Variants in STK39 observed in about 807,000 individuals in gnomAD.
The protein encoded by STK39 is serine/threonine kinase 39.
A neutral mutation model predicts 77.8 loss-of-function variants in STK39; 20 were observed. The observed-to-expected ratio is 0.26, with a 90% CI of 0.18 to 0.37. The LOEUF is 0.37. Ranked by LOEUF, STK39 falls within the 10% of genes least tolerant of loss-of-function variation. The pLI, the probability that STK39 is intolerant of heterozygous loss-of-function variation, is 1.00. For synonymous variants in STK39, 246 were observed against 234.1 expected, an observed-to-expected ratio of 1.05 and a Z score of -0.47; for missense variants, 479 against 656.5, an observed-to-expected ratio of 0.73 and a Z score of 2.95.
chr2:168,048,764 C>T (rs1574420468), intron 14 of STK39, among the ~76,000 whole-genome samples: 1 of 152,246 alleles, frequency 6.6e-6, no homozygotes, highest in South Asian at 2.1e-4. Flanking sequence ...AATTAGCAAC[C>T]CCGCCACCTG....
chr2:168,184,186 C>G (rs1689150153), intron 1 of STK39, among the ~76,000 whole-genome samples: 1 of 152,192 alleles, frequency 6.6e-6, no homozygotes. Flanking sequence ...ATAGTTAAGT[C>G]CTTGACAGTA....
At chr2:168,230,471 C>A (rs2105259350) in intron 1 of STK39, among the ~76,000 whole-genome samples, 1 of 152,314 alleles carries the variant, frequency 6.6e-6, no homozygotes, top group African/African-American at 2.4e-5. Context: ...GCGAGCGAGA[C>A]CATCTTAAAA....
intron 10 of STK39, among the ~76,000 whole-genome samples, chr2:168,115,837 C>T (rs935635): frequency 0.23 from 34,480 of 151,976 alleles, 4,052 homozygotes; most frequent in East Asian, 0.28. Flanking sequence ...GGCAAGTGGA[C>T]AATAGAGAAC....
chr2:168,005,455 T>G (rs962253075), intron 16 of STK39, among the ~76,000 whole-genome samples: 1 of 152,226 alleles, frequency 6.6e-6, no homozygotes. Flanking sequence ...TACTATTTCT[T>G]TTTTGGAAGA....
At chr2:168,227,572 C>T (rs1205442208) in intron 1 of STK39, among the ~76,000 whole-genome samples, 1 of 152,182 alleles carries the variant, frequency 6.6e-6, no homozygotes, top group Non-Finnish European at 1.5e-5. Context: ...CTATGAAATC[C>T]AAAAGTCACT....
intron 10 of STK39, among the ~76,000 whole-genome samples, chr2:168,115,242 T>C (rs1377022062): frequency 6.6e-6 from 1 of 152,066 alleles, no homozygotes; most frequent in Non-Finnish European, 1.5e-5. Flanking sequence ...CAAAAATAAA[T>C]AATATTAAAT....
At chr2:168,030,231 C>A (rs1684802077) in intron 14 of STK39, among the ~76,000 whole-genome samples, 1 of 152,102 alleles carries the variant, frequency 6.6e-6, no homozygotes, top group Non-Finnish European at 1.5e-5. Context: ...CAGAGCGAGA[C>A]TCTGTCTCAA....
intron 14 of STK39, among the ~76,000 whole-genome samples, chr2:168,046,914 G>C (rs1336046315): frequency 6.6e-6 from 1 of 152,068 alleles, no homozygotes; most frequent in Non-Finnish European, 1.5e-5. Flanking sequence ...GGGAAGATCT[G>C]ACAACTCTTT....
chr2:167,970,051 T>A lies in STK39; in HGVS notation c.1499-5325A>T, dbSNP rs536233175. Among the ~76,000 whole-genome samples, 17 of 152,176 alleles carry A rather than the reference T, an allele frequency of 1.1e-4. No homozygotes were observed. The East Asian group carries it at 3.3e-3, about 29-fold the overall frequency. On this transcript the variant is annotated intron_variant, in intron 16 of 17. Coordinates refer to ENST00000355999, the MANE Select transcript of STK39 (RefSeq NM_013233.3). ...TGCCCAGAACCTCTGTACCTGCCAT[T>A]CCCTCTCCCGGAAATGTTCTTCCTC...
chr2:168,167,221 A>G (rs947474422), intron 3 of STK39, 78 bp downstream of exon 3: 24 of 1,216,004 alleles, frequency 2.0e-5, no homozygotes, highest in Middle Eastern at 3.8e-4. Context: ...GATTCAATCT[A>G]AAGTCTTCTC....
At chr2:168,197,158 C>T (rs1207188439) in intron 1 of STK39, among the ~76,000 whole-genome samples, 4 of 152,008 alleles carry the variant, frequency 2.6e-5, no homozygotes, top group Admixed American at 6.6e-5. Flanking sequence ...ATGGCAAGTG[C>T]TAGGGTAGAC....
At chr2:167,970,305 TG>T (rs1158197363) in intron 16 of STK39, among the ~76,000 whole-genome samples, 1 of 152,204 alleles carries the variant, frequency 6.6e-6, no homozygotes, top group Non-Finnish European at 1.5e-5. Flanking sequence ...ATACAGGAAC[TG>T]TTTTGTTCAC....
At chr2:168,124,361 G>A (rs1461619064) in intron 10 of STK39, among the ~76,000 whole-genome samples, 2 of 151,860 alleles carry the variant, frequency 1.3e-5, no homozygotes, top group Non-Finnish European at 2.9e-5. Flanking sequence ...GCATAGCTAC[G>A]AGCCCCTTGC....
At chr2:168,049,881 C>T (rs1685349195) in intron 14 of STK39, among the ~76,000 whole-genome samples, 1 of 152,214 alleles carries the variant, frequency 6.6e-6, no homozygotes, top group South Asian at 2.1e-4. Context: ...AAACACACTA[C>T]TCATGTACAT....
At chr2:168,125,725 A>T (rs1207163120) in intron 10 of STK39, among the ~76,000 whole-genome samples, 1 of 152,170 alleles carries the variant, frequency 6.6e-6, no homozygotes, top group Non-Finnish European at 1.5e-5. Context: ...ACCCAAAAAA[A>T]ATGTTTTGCA....
chr2:168,094,004 C>T lies in STK39; in HGVS notation c.1090-18773G>A, dbSNP rs188395888. Among the ~76,000 whole-genome samples the T allele has an allele frequency of 7.9e-3, 1,197 of 152,302 alleles. 4 individuals carry two copies. Among genetic ancestry groups the T allele is most frequent in the Non-Finnish European group, 0.013 (905 of 68,014 alleles). Reference sequence around the variant, plus strand: ...GCTGGTCCCTCCACCTGAGATGGGCCTCCTTGCCTCTAGGGAAGGAAGACT... The same window carrying T: ...GCTGGTCCCTCCACCTGAGATGGGCTTCCTTGCCTCTAGGGAAGGAAGACT... On this transcript the variant is annotated intron_variant, in intron 10 of 17. Transcript: ENST00000355999.
intron 10 of STK39, among the ~76,000 whole-genome samples, chr2:168,090,543 C>G (rs1313890931): frequency 6.6e-6 from 1 of 152,210 alleles, no homozygotes; most frequent in East Asian, 1.9e-4. Context: ...GAAACTCGAG[C>G]AGTCAACAGA....
chr2:168,220,045 G>C (rs986496860), intron 1 of STK39, among the ~76,000 whole-genome samples: 3 of 151,980 alleles, frequency 2.0e-5, no homozygotes, highest in African/African-American at 7.3e-5. Flanking sequence ...GAATAATGAT[G>C]ATAATCAAAG....
chr2:167,983,594 C>T (rs1683486238), intron 16 of STK39, among the ~76,000 whole-genome samples: 1 of 151,830 alleles, frequency 6.6e-6, no homozygotes. Flanking sequence ...TCTCTCTTTT[C>T]CTAAAATTTG....
Sources: allele counts gnomAD v4.1 joint callset (sites outside exome capture counted in the v4.1 genomes callset), GRCh38; gene constraint gnomAD v4.1.1; transcripts MANE v1.5; gene names NCBI Gene and HGNC (gene_info 2026-07-23, HGNC 2026-07-21).